BLTP1: variants seen among roughly 807,000 people sequenced by gnomAD.
The protein encoded by BLTP1 is bridge-like lipid transfer protein family member 1.
the BLTP1 span, chr4:122,289,527 T>C: frequency 3.0e-6 from 3 of 984,360 alleles, no homozygotes; most frequent in Non-Finnish European, 3.6e-6. Context: ...GATTTCAACC[T>C]TTTGTCTATA....
At chr4:122,168,167 T>C in the BLTP1 span, among the ~76,000 whole-genome samples, 2 of 152,250 alleles carry the variant, frequency 1.3e-5, no homozygotes, top group Non-Finnish European at 1.5e-5. Context: ...GGCTTTGCAT[T>C]AATCTAATAT....
the BLTP1 span, among the ~76,000 whole-genome samples, chr4:122,358,521 C>T: frequency 1.5e-4 from 23 of 152,164 alleles, no homozygotes; most frequent in African/African-American, 5.3e-4. Context: ...AAATGCTTAA[C>T]AGCATGTCAG....
chr4:122,178,024 G>A, the BLTP1 span: 4 of 707,426 alleles, frequency 5.7e-6, no homozygotes, highest in Non-Finnish European at 6.9e-6. Flanking sequence ...GTACATAGAA[G>A]AACTCATTTG....
the BLTP1 span, chr4:122,255,415 G>C: frequency 3.3e-6 from 2 of 614,018 alleles, no homozygotes; most frequent in South Asian, 5.3e-5. Flanking sequence ...CCAGCACTTT[G>C]GGAGGCTGAG....
At chr4:122,229,147 A>G in the BLTP1 span, 6 of 1,607,136 alleles carry the variant, frequency 3.7e-6, no homozygotes, top group African/African-American at 4.0e-5. Flanking sequence ...GGCCTTGTCC[A>G]ACTTCAGATG....
chr4:122,318,391 C>A, the BLTP1 span: 1 of 769,504 alleles, frequency 1.3e-6, no homozygotes, highest in Non-Finnish European at 2.1e-6. Flanking sequence ...TAAATCCTAA[C>A]AACAAACTTA....
At chr4:122,271,767 A>C in the BLTP1 span, 1 of 1,261,378 alleles carries the variant, frequency 7.9e-7, no homozygotes, top group Non-Finnish European at 1.1e-6. Flanking sequence ...ATTTACAATA[A>C]CAATAATACC....
chr4:122,186,233 A>AT, the BLTP1 span: 9 of 1,595,170 alleles, frequency 5.6e-6, no homozygotes, highest in Non-Finnish European at 7.7e-6. Context: ...GTTCAGTATC[A>AT]TACTTGAATT....
At chr4:122,263,404 T>A in the BLTP1 span, 1 of 1,522,752 alleles carries the variant, frequency 6.6e-7, no homozygotes, top group Non-Finnish European at 8.8e-7. Flanking sequence ...CTCCTTAGTA[T>A]ATAAATAATA....
the BLTP1 span, among the ~76,000 whole-genome samples, chr4:122,190,890 T>C: frequency 8.5e-5 from 13 of 152,154 alleles, no homozygotes; most frequent in Non-Finnish European, 5.9e-5. Flanking sequence ...GGTCAAAGTA[T>C]TTTGAAAGTA....
chr4:122,347,900 A>AG, the BLTP1 span: 1 of 87,222 alleles, frequency 1.1e-5, no homozygotes, highest in African/African-American at 3.9e-5. Context: ...ATGACACGTC[A>AG]AAAAAAAAAA....
At chr4:122,289,182 A>T in the BLTP1 span, 1 of 1,606,708 alleles carries the variant, frequency 6.2e-7, no homozygotes, top group Non-Finnish European at 8.5e-7. Flanking sequence ...AAGTAATACA[A>T]AAAGTTTCTG....
At chr4:122,180,620 T>C in the BLTP1 span, among the ~76,000 whole-genome samples, 5 of 152,234 alleles carry the variant, frequency 3.3e-5, no homozygotes, top group Non-Finnish European at 5.9e-5. Context: ...TTTGTAGAAC[T>C]GCTTAAGTCT....
chr4:122,192,084 G>A, the BLTP1 span: 1 of 667,980 alleles, frequency 1.5e-6, no homozygotes, highest in Non-Finnish European at 2.3e-6. Context: ...AAGACAATAT[G>A]AGAACAACCC....
At chr4:122,332,891 T>C in the BLTP1 span, among the ~76,000 whole-genome samples, 1 of 104,374 alleles carries the variant, frequency 9.6e-6, no homozygotes, top group African/African-American at 3.6e-5. Context: ...TTTGGTTTTT[T>C]GTTCTTGCGA....
At chr4:122,232,108 G>A in the BLTP1 span, 148 of 985,302 alleles carry the variant, frequency 1.5e-4, no homozygotes, top group Non-Finnish European at 1.7e-4. Context: ...GCTCCAAGTA[G>A]CTCATTTAGG....
the BLTP1 span, chr4:122,208,237 A>G: frequency 1.6e-6 from 1 of 627,966 alleles, no homozygotes. Context: ...GAACAACCCT[A>G]TTGAGATTAT....
chr4:122,160,769 T>C, the BLTP1 span, among the ~76,000 whole-genome samples: 8 of 152,354 alleles, frequency 5.3e-5, no homozygotes, highest in East Asian at 1.5e-3. Flanking sequence ...AAACAATCTG[T>C]TCAGGCAGAT....
chr4:122,302,317 C>G, the BLTP1 span: 1 of 878,404 alleles, frequency 1.1e-6, no homozygotes, highest in Non-Finnish European at 1.4e-6. Flanking sequence ...TTTTATTGCA[C>G]TTCGCTTTAT....
Sources: gnomAD v4.1 joint callset for allele counts (sites outside exome capture counted in the v4.1 genomes callset) on GRCh38, gnomAD v4.1.1 for gene constraint, MANE v1.5 for transcripts, NCBI Gene and HGNC (gene_info 2026-07-23, HGNC 2026-07-21) for gene names.